The following VWA2 variants were observed in gnomAD, a reference collection of about 807,000 sequenced individuals.
VWA2 encodes the protein von Willebrand factor A domain containing 2, also known as von Willebrand factor A domain-containing protein 2.
A neutral mutation model predicts 70.4 loss-of-function variants in VWA2; 73 were observed. That is an observed-to-expected ratio of 1.04 (90% CI 0.86 to 1.26). VWA2 has a LOEUF of 1.26. Ranked by LOEUF, VWA2 falls within the 50% of genes most tolerant of loss-of-function variation. VWA2 has a pLI of 0.00. For synonymous variants in VWA2, 407 were observed against 423.3 expected (o/e 0.96, Z 0.47); for missense variants, 1,011 against 998.5 (o/e 1.01, Z -0.17).
In VWA2 at chr10:114,246,523, AAAC is replaced by A. The variant is rs1211385242; in HGVS notation, c.-10-2180_-10-2178del. 936 of 804,988 alleles carry A rather than the reference AAAC, an allele frequency of 1.2e-3. 5 individuals are homozygous for A. The highest frequency in any genetic ancestry group is 2.2e-3 in the Middle Eastern group (6 of 2,704). The allele number at this position is 804,988 out of a possible 1,614,324, so 49.9% of individuals were successfully genotyped here. ...TCCATCTCAAAAAAAAAAAAAAAAA[AAAC>A]GAGTATCATGGGTTGAATTCACATT... On this transcript the variant is annotated intron_variant, in intron 1 of 13. Coordinates refer to ENST00000392982, the MANE Select transcript of VWA2 (RefSeq NM_001272046.2).
At chr10:114,239,840 T>A (rs1348268439) in intron 1 of VWA2, among the ~76,000 whole-genome samples, 1 of 152,118 alleles carries the variant, frequency 6.6e-6, no homozygotes, top group African/African-American at 2.4e-5. Context: ...CCGGGCGAGC[T>A]GGCGGGGTTT....
chr10:114,278,025 C>T lies in VWA2; in HGVS notation c.678C>T (p.Ala226=), dbSNP rs911844331. ...TCTTCAGCACCCTCAGCAGCTCGGC[C>T]ATCTGCTCCAGCGCCACGCCAGGTA... ...NGLFSTLSSS[A]ICSSATPDCR... is the part of the protein sequence containing the mutation. Residue 226 remains alanine (A), a synonymous_variant, in exon 7 of 14, where the codon GCC becomes GCT. Transcript: ENST00000392982. The T allele has an allele frequency of 5.0e-6, 8 of 1,612,412 alleles. No individual in the cohort carries two copies. Among genetic ancestry groups the T allele is most frequent in the Middle Eastern group, 1.7e-4 (1 of 5,826 alleles).
intron 5 of VWA2, among the ~76,000 whole-genome samples, chr10:114,263,110 G>A (rs971498408): frequency 4.6e-5 from 7 of 152,130 alleles, no homozygotes; most frequent in Non-Finnish European, 8.8e-5. Flanking sequence ...CCACCTCCCA[G>A]GCTCAAGCCA....
rs536891031 is a variant in VWA2, at chr10:114,282,073, A to C, written c.834-443A>C. 2.1e-5 allele frequency among the ~76,000 whole-genome samples: 3 copies of C among 140,944 alleles called. No individual in the cohort carries two copies. The East Asian group carries it at 6.5e-4, about 30-fold the overall frequency. The allele number at this position is 140,944 out of a possible 152,430, so 92.5% of individuals were successfully genotyped here. On this transcript the variant is annotated intron_variant, in intron 8 of 13. Coordinates refer to ENST00000392982, the MANE Select transcript of VWA2 (RefSeq NM_001272046.2). ...TACCCAGGCTGGAGTGCAGTTGTGC[A>C]ATCTCGGCTCACCGCAACCTCTGCC... is the stretch of plus-strand genomic sequence containing the variant.
At chr10:114,281,636 G>T in intron 8 of VWA2, 1 of 664,620 alleles carries the variant, frequency 1.5e-6, no homozygotes, top group Non-Finnish European at 1.9e-6. Context: ...TACATGTCTT[G>T]ACCTGCAGAG....
At chr10:114,254,808 G>A in intron 3 of VWA2, 107 bp from the exon 4 acceptor site, 1 of 1,468,616 alleles carries the variant, frequency 6.8e-7, no homozygotes, top group Non-Finnish European at 9.3e-7. Context: ...TTCATGCTAA[G>A]AGGGACAGCA....
chr10:114,249,254 A>T (rs1008398344), intron 2 of VWA2, among the ~76,000 whole-genome samples: 1 of 151,188 alleles, frequency 6.6e-6, no homozygotes. Context: ...GCTCCCACTT[A>T]TTTTATTTAT....
chr10:114,272,689 C>T, intron 5 of VWA2, 51 bp from the exon 6 acceptor site: 1 of 1,460,120 alleles, frequency 6.8e-7, no homozygotes, highest in South Asian at 1.5e-5. Flanking sequence ...CCCAACTTCA[C>T]CTCCCCACAT....
At chr10:114,261,432 G>A in intron 5 of VWA2, 137 bp downstream of exon 5, 1 of 576,580 alleles carries the variant, frequency 1.7e-6, no homozygotes, top group Admixed American at 2.9e-5. Flanking sequence ...GGGCACAGTT[G>A]GTCACATGAA....
At chr10:114,267,284 T>C (rs1225734538) in intron 5 of VWA2, among the ~76,000 whole-genome samples, 2 of 151,418 alleles carry the variant, frequency 1.3e-5, no homozygotes, top group Non-Finnish European at 2.9e-5. Flanking sequence ...GCCCGGCTAA[T>C]TTTTGTATTT....
At chr10:114,248,914 C>T (rs2133288792) in intron 2 of VWA2, 149 bp downstream of exon 2, 1 of 802,086 alleles carries the variant, frequency 1.2e-6, no homozygotes. Context: ...CAAGCCATGT[C>T]ATCTTGTGCT....
chr10:114,285,084 C>A, intron 10 of VWA2, 114 bp downstream of exon 10: 2 of 790,802 alleles, frequency 2.5e-6, no homozygotes, highest in South Asian at 2.1e-5. Flanking sequence ...CTTGAACCAT[C>A]TGCTTTCCAA....
chr10:114,284,352 C>T (rs2038580760), intron 9 of VWA2, among the ~76,000 whole-genome samples: 1 of 152,160 alleles, frequency 6.6e-6, no homozygotes, highest in Admixed American at 6.5e-5. Context: ...TCCCATCACT[C>T]CTTTTTAGAT....
rs2039733412 is a variant in VWA2, at chr10:114,292,899, G to T, written c.*1662G>T. 6.6e-6 allele frequency among the ~76,000 whole-genome samples: 1 copy of T among 152,152 alleles called. No individual in the cohort carries two copies. Among genetic ancestry groups the T allele is most frequent in the South Asian group, 2.1e-4 (1 of 4,816 alleles). On this transcript the variant is annotated 3_prime_UTR_variant, in exon 14 of 14. Coordinates refer to ENST00000392982, the MANE Select transcript of VWA2 (RefSeq NM_001272046.2). ...TTTTGTATTTTTAGTTAGAGACAGGGTTTCACCATGTTGGCCAGGCTAGTC... is the reference window on the plus strand; with the variant it reads ...TTTTGTATTTTTAGTTAGAGACAGGTTTTCACCATGTTGGCCAGGCTAGTC...
At chr10:114,272,614 G>C in intron 5 of VWA2, 126 bp from the exon 6 acceptor site, 2 of 819,184 alleles carry the variant, frequency 2.4e-6, no homozygotes, top group Non-Finnish European at 3.8e-6. Flanking sequence ...ATCACTTTCA[G>C]CCTCTGCTAG....
chr10:114,289,948 C>T (rs35431260), intron 12 of VWA2: 143,140 of 276,532 alleles, frequency 0.52, 40,579 homozygotes, highest in Non-Finnish European at 0.6. Flanking sequence ...GCCAAGATCG[C>T]GCCATTGTAC....
At chr10:114,259,980 C>T (rs1336609381) in intron 4 of VWA2, among the ~76,000 whole-genome samples, 1 of 152,226 alleles carries the variant, frequency 6.6e-6, no homozygotes, top group Non-Finnish European at 1.5e-5. Flanking sequence ...GCGTTTCCAT[C>T]ATCTCCCACG....
chr10:114,259,886 A>G (rs2037407343), intron 4 of VWA2, among the ~76,000 whole-genome samples: 1 of 152,146 alleles, frequency 6.6e-6, no homozygotes. Context: ...GGTGCCCAAC[A>G]GCTCCTCCCC....
chr10:114,243,988 T>C (rs2037019229), intron 1 of VWA2, among the ~76,000 whole-genome samples: 2 of 152,178 alleles, frequency 1.3e-5, no homozygotes. Flanking sequence ...CAAGTGGGAT[T>C]AGCATGAGTA....
Sources: allele counts gnomAD v4.1 joint callset (sites outside exome capture counted in the v4.1 genomes callset), GRCh38; gene constraint gnomAD v4.1.1; transcripts MANE v1.5; gene names NCBI Gene and HGNC (gene_info 2026-07-23, HGNC 2026-07-21).